Variants in KIF5C observed in about 807,000 individuals in gnomAD.
The protein encoded by KIF5C is kinesin heavy chain isoform 5C.
Under a neutral mutation model 125.2 loss-of-function variants are expected in KIF5C, and 18 were observed. The observed-to-expected ratio is 0.14, with a 90% CI of 0.10 to 0.21. The LOEUF (loss-of-function observed/expected upper bound fraction) is 0.21. Ranked by LOEUF, KIF5C falls within the 10% of genes least tolerant of loss-of-function variation. The pLI, the probability that KIF5C is intolerant of heterozygous loss-of-function variation, is 1.00. For missense variants in KIF5C, 780 were observed against 1,183.8 expected (o/e 0.66, Z 5.01); for synonymous variants, 405 against 434.0 (o/e 0.93, Z 0.83).
At chr2:148,903,198 G>A (rs969123644) in intron 1 of KIF5C, among the ~76,000 whole-genome samples, 1 of 152,172 alleles carries the variant, frequency 6.6e-6, no homozygotes, top group Non-Finnish European at 1.5e-5. Context: ...TATTTACTAA[G>A]TGTATGCTCC....
chr2:148,884,601 T>G (rs551923809), intron 1 of KIF5C, among the ~76,000 whole-genome samples: 2 of 152,382 alleles, frequency 1.3e-5, no homozygotes, highest in East Asian at 3.9e-4. Flanking sequence ...TAGATTGCTT[T>G]AAAGCGAAAT....
At chr2:149,009,197 G>T (rs928204345) in intron 23 of KIF5C, among the ~76,000 whole-genome samples, 54 of 151,686 alleles carry the variant, frequency 3.6e-4, no homozygotes, top group African/African-American at 1.2e-3. Flanking sequence ...TCACCATGTT[G>T]GTCAGGCTGG....
Position 149,024,075 on chromosome 2 carries a change from A to G in KIF5C, c.*1005A>G, listed in dbSNP as rs757722228. ...TGTGCTTGTGTATGAGTAAGTTGCC[A>G]TGAATAAGTTATTATTTTAACCCAT... On this transcript the variant is annotated 3_prime_UTR_variant, in exon 26 of 26. Coordinates refer to ENST00000435030, the MANE Select transcript of KIF5C (RefSeq NM_004522.3). 2 of 152,462 alleles carry G rather than the reference A, an allele frequency of 1.3e-5. No homozygotes were observed. Among genetic ancestry groups the G allele is most frequent in the South Asian group, 2.1e-4 (1 of 4,826 alleles). 9.4% of individuals were successfully genotyped at this position (152,462 alleles called of 1,614,324 possible). A position where few individuals can be genotyped will look rare whatever the true frequency, so the allele number is the denominator to read the frequency against.
intron 11 of KIF5C, among the ~76,000 whole-genome samples, chr2:148,962,431 G>A (rs1288412111): frequency 6.6e-6 from 1 of 151,488 alleles, no homozygotes; most frequent in African/African-American, 2.4e-5. Context: ...CACCCACCTT[G>A]GCCTCCCAAA....
intron 11 of KIF5C, among the ~76,000 whole-genome samples, chr2:148,967,696 A>C (rs2105139099): frequency 6.6e-6 from 1 of 152,304 alleles, no homozygotes; most frequent in Middle Eastern, 3.4e-3. Context: ...TCTTTCTTCG[A>C]ATCTGGAGGC....
intron 1 of KIF5C, among the ~76,000 whole-genome samples, chr2:148,918,775 A>G (rs1295504156): frequency 6.6e-6 from 1 of 152,190 alleles, no homozygotes; most frequent in Non-Finnish European, 1.5e-5. Context: ...TTAGGCAAGG[A>G]ATTGGTATCT....
At chr2:148,953,088 G>A (rs186867272) in intron 10 of KIF5C, among the ~76,000 whole-genome samples, 4 of 152,158 alleles carry the variant, frequency 2.6e-5, no homozygotes, top group African/African-American at 4.8e-5. Flanking sequence ...GAAATAGGTC[G>A]GTCTACATTC....
At chr2:148,975,093 A>G (rs1327798412) in intron 12 of KIF5C, among the ~76,000 whole-genome samples, 1 of 152,174 alleles carries the variant, frequency 6.6e-6, no homozygotes, top group Non-Finnish European at 1.5e-5. Context: ...TTCCTACAGC[A>G]TGTGCTTTGA....
intron 11 of KIF5C, among the ~76,000 whole-genome samples, chr2:148,968,359 C>A (rs999816515): frequency 2.6e-5 from 4 of 152,172 alleles, no homozygotes; most frequent in Non-Finnish European, 4.4e-5. Context: ...AAATCTGTAG[C>A]CTCTAGTCTG....
chr2:148,911,389 G>T (rs1331787814), intron 1 of KIF5C, among the ~76,000 whole-genome samples: 3 of 152,172 alleles, frequency 2.0e-5, no homozygotes, highest in Non-Finnish European at 4.4e-5. Context: ...TTTCCACAAG[G>T]CCGGGCTGGT....
Position 148,876,096 on chromosome 2 carries a change from G to T in KIF5C, c.126+353G>T, listed in dbSNP as rs565031708. ...TGTTCGGGTGACCCTCAAGCCGGGTGCCCAGGCCCCCTTTAAAGTGTGAGC... is the reference window on the plus strand; with the variant it reads ...TGTTCGGGTGACCCTCAAGCCGGGTTCCCAGGCCCCCTTTAAAGTGTGAGC... On this transcript the variant is annotated intron_variant, in intron 1 of 25. Transcript: ENST00000435030. This position sits in a 1 kb window ranked among gnomAD's most constrained non-coding sequence, Gnocchi z 4.7. Among the ~76,000 whole-genome samples the T allele has an allele frequency of 6.6e-6, 1 of 152,322 alleles. No individual in the cohort carries two copies. The highest frequency in any genetic ancestry group is 2.1e-4 in the South Asian group (1 of 4,830).
intron 10 of KIF5C, among the ~76,000 whole-genome samples, chr2:148,961,145 G>A (rs1413334095): frequency 6.6e-6 from 1 of 152,232 alleles, no homozygotes. Flanking sequence ...TGGCCATTAG[G>A]CATGTTTGTT....
intron 23 of KIF5C, among the ~76,000 whole-genome samples, 162 bp downstream of exon 23, chr2:149,008,229 T>G (rs764638884): frequency 6.6e-6 from 1 of 152,224 alleles, no homozygotes; most frequent in Non-Finnish European, 1.5e-5. Context: ...ACAAATCCTT[T>G]AGTTCTCAGT....
intron 8 of KIF5C, chr2:148,947,989 T>C (rs1381196578): frequency 1.8e-5 from 8 of 456,586 alleles, no homozygotes; most frequent in Non-Finnish European, 3.5e-5. Flanking sequence ...GATTGTCCTC[T>C]AGTATGCATT....
At chr2:148,935,744 T>A (rs1318963515) in intron 3 of KIF5C, among the ~76,000 whole-genome samples, 1 of 152,184 alleles carries the variant, frequency 6.6e-6, no homozygotes, top group East Asian at 1.9e-4. Context: ...ATACTAACAT[T>A]TATTTTAGCC....
At chr2:148,942,627 G>A (rs367551906) in intron 6 of KIF5C, 46 bp from the exon 7 acceptor site, 3 of 1,571,830 alleles carry the variant, frequency 1.9e-6, no homozygotes, top group African/African-American at 2.7e-5. Flanking sequence ...AAATATTGTT[G>A]CTTTTCAACT....
chr2:148,892,919 A>C (rs779824029), intron 1 of KIF5C, among the ~76,000 whole-genome samples: 1 of 152,330 alleles, frequency 6.6e-6, no homozygotes, highest in African/African-American at 2.4e-5. Flanking sequence ...TTTCTTCTTC[A>C]AATAATGACA....
intron 12 of KIF5C, 60 bp from the exon 13 acceptor site, chr2:148,978,862 G>T: frequency 6.5e-7 from 1 of 1,531,354 alleles, no homozygotes; most frequent in South Asian, 1.3e-5. Flanking sequence ...GTCACTGGGA[G>T]ACTGGGATAT....
intron 8 of KIF5C, among the ~76,000 whole-genome samples, chr2:148,949,024 T>C (rs1263475554): frequency 6.6e-6 from 1 of 152,216 alleles, no homozygotes; most frequent in Non-Finnish European, 1.5e-5. Context: ...ATTTGCGTAG[T>C]TGAACATTGC....
Sources: gnomAD v4.1 joint callset for allele counts (sites outside exome capture counted in the v4.1 genomes callset) on GRCh38, gnomAD v4.1.1 for gene constraint, Gnocchi (gnomAD v3.1) non-coding constraint, MANE v1.5 for transcripts, NCBI Gene and HGNC (gene_info 2026-07-23, HGNC 2026-07-21) for gene names.